The following GRIA4 variants were observed in gnomAD, a reference collection of about 807,000 sequenced individuals.
The protein encoded by GRIA4 is glutamate ionotropic receptor AMPA type subunit 4.
In GRIA4, 34 loss-of-function variants were observed where a neutral mutation model predicts 104.0. The ratio of observed to expected loss-of-function variants is 0.33; its 90% CI spans 0.25 to 0.44. The LOEUF is 0.44. Among genes scored for constraint, GRIA4 ranks in the 20% least tolerant of loss-of-function variants. The pLI, the probability that GRIA4 is intolerant of heterozygous loss-of-function variation, is 1.00. For synonymous variants in GRIA4, 386 were observed against 381.9 expected (o/e 1.01, Z -0.13); for missense variants, 750 against 1,096.5 (o/e 0.68, Z 4.46).
chr11:105,670,206 T>G (rs1325612612), intron 3 of GRIA4, among the ~76,000 whole-genome samples: 1 of 152,164 alleles, frequency 6.6e-6, no homozygotes, highest in Non-Finnish European at 1.5e-5. Context: ...TGCCTGTGTA[T>G]TCAAGGAGAG....
chr11:105,911,216 T>A (rs73544603), intron 10 of GRIA4, among the ~76,000 whole-genome samples: 12,656 of 152,080 alleles, frequency 0.083, 581 homozygotes, highest in African/African-American at 0.1. Flanking sequence ...GATTGCTTCA[T>A]TTGGCCACAT....
At chr11:105,779,345 G>A (rs537360605) in intron 4 of GRIA4, among the ~76,000 whole-genome samples, 148 of 152,158 alleles carry the variant, frequency 9.7e-4, no homozygotes, top group Non-Finnish European at 1.7e-3. Context: ...AATCAATATC[G>A]TGAAAATGGC....
intron 3 of GRIA4, among the ~76,000 whole-genome samples, chr11:105,751,929 C>T (rs1017051673): frequency 1.3e-5 from 2 of 152,146 alleles, no homozygotes; most frequent in Admixed American, 6.5e-5. Flanking sequence ...CTAAACACTT[C>T]TTAATCTAGC....
At position 105,640,172 on chromosome 11, in the gene GRIA4, G is replaced by T. The variant is rs183330529; in HGVS notation, c.247+27738G>T. 4.9e-3 allele frequency among the ~76,000 whole-genome samples: 744 copies of T among 151,878 alleles called. 4 individuals carry two copies. Among genetic ancestry groups the T allele is most frequent in the African/African-American group, 0.016 (677 of 41,486 alleles). ...GATGTTTCCCTAACATTCAGAAAAGGAAAATAAAGGGAAGACATTTGCTTA... is the reference window on the plus strand; with the variant it reads ...GATGTTTCCCTAACATTCAGAAAAGTAAAATAAAGGGAAGACATTTGCTTA... On this transcript the variant is annotated intron_variant, in intron 3 of 16. Transcript: ENST00000282499.
rs976495712 is a variant in GRIA4, at chr11:105,642,026, T to C, written c.247+29592T>C. On this transcript the variant is annotated intron_variant, in intron 3 of 16. Coordinates refer to ENST00000282499, the MANE Select transcript of GRIA4 (RefSeq NM_000829.4). The stretch of plus-strand genomic sequence containing the variant: ...TATCTCCCTGTGTCTTAATATGGTC[T>C]TCCCTCTCTGCATGTCTGTGTCCTA... 2.6e-5 allele frequency among the ~76,000 whole-genome samples: 4 copies of C among 152,160 alleles called. 1 individual carries two copies. Among genetic ancestry groups the C allele is most frequent in the South Asian group, 4.1e-4 (2 of 4,830 alleles).
intron 4 of GRIA4, among the ~76,000 whole-genome samples, chr11:105,826,729 A>G (rs952895305): frequency 6.6e-6 from 1 of 151,956 alleles, no homozygotes; most frequent in Non-Finnish European, 1.5e-5. Context: ...CTGTTTTCTG[A>G]TAGGGAAAAA....
chr11:105,642,244 T>C (rs552528148), intron 3 of GRIA4, among the ~76,000 whole-genome samples: 12 of 152,134 alleles, frequency 7.9e-5, no homozygotes, highest in Non-Finnish European at 1.3e-4. Context: ...CAAGACTTGC[T>C]GTGCTGTTGC....
At chr11:105,888,307 G>C (rs1303854864) in intron 6 of GRIA4, among the ~76,000 whole-genome samples, 1 of 58,420 alleles carries the variant, frequency 1.7e-5, no homozygotes, top group Non-Finnish European at 3.3e-5. Context: ...TTTTTGAGAC[G>C]GAGTCTCACT....
chr11:105,732,329 C>T (rs1023014145), intron 3 of GRIA4, among the ~76,000 whole-genome samples: 50 of 152,056 alleles, frequency 3.3e-4, no homozygotes, highest in African/African-American at 1.1e-3. Context: ...AAGTGCCCAG[C>T]GTTGAGTGGA....
Position 105,678,267 on chromosome 11 carries a change from C to A in GRIA4, c.247+65833C>A, listed in dbSNP as rs564937283. Among the ~76,000 whole-genome samples the A allele has an allele frequency of 5.7e-4, 86 of 152,054 alleles. 1 individual carries two copies. The highest frequency in any genetic ancestry group is 6.8e-3 in the Middle Eastern group (2 of 294). ...AAGTTGACGTGGGGGCCCAATTATG[C>A]CCCTACTTTAAGATAAATCTATTTC... is the stretch of plus-strand genomic sequence containing the variant. On this transcript the variant is annotated intron_variant, in intron 3 of 16. Transcript: ENST00000282499.
chr11:105,785,897 G>A (rs1190626906), intron 4 of GRIA4, among the ~76,000 whole-genome samples: 1 of 152,080 alleles, frequency 6.6e-6, no homozygotes, highest in Non-Finnish European at 1.5e-5. Flanking sequence ...TGTAATCCCA[G>A]AACTTTGGGA....
intron 3 of GRIA4, among the ~76,000 whole-genome samples, chr11:105,676,197 A>C (rs1052182294): frequency 6.6e-6 from 1 of 151,774 alleles, no homozygotes; most frequent in Non-Finnish European, 1.5e-5. Flanking sequence ...TGGATATATA[A>C]ATTACTATAG....
chr11:105,794,500 T>TATATATATATATATATATATAC (rs1942387306), intron 4 of GRIA4, among the ~76,000 whole-genome samples: 1 of 121,144 alleles, frequency 8.3e-6, no homozygotes, highest in Non-Finnish European at 1.7e-5. Flanking sequence ...TATATATATA[T>TATATATATATATATATATATAC]ATATATATAT....
At chr11:105,718,703 A>AGT (rs1954187568) in intron 3 of GRIA4, among the ~76,000 whole-genome samples, 1 of 152,186 alleles carries the variant, frequency 6.6e-6, no homozygotes, top group Non-Finnish European at 1.5e-5. Flanking sequence ...AACACCTCCT[A>AGT]AAAGGAGCTA....
intron 3 of GRIA4, among the ~76,000 whole-genome samples, chr11:105,627,258 C>T (rs991128142): frequency 3.3e-5 from 5 of 151,526 alleles, no homozygotes; most frequent in African/African-American, 4.9e-5. Context: ...CATTGGAGAA[C>T]GATAATGCAT....
chr11:105,844,550 T>C (rs1398439721), intron 4 of GRIA4, among the ~76,000 whole-genome samples: 1 of 152,230 alleles, frequency 6.6e-6, no homozygotes, highest in Non-Finnish European at 1.5e-5. Context: ...AACAAACTAT[T>C]CAGTAACAGC....
At chr11:105,661,803 A>G (rs1952018474) in intron 3 of GRIA4, among the ~76,000 whole-genome samples, 1 of 151,782 alleles carries the variant, frequency 6.6e-6, no homozygotes, top group South Asian at 2.1e-4. Context: ...GTCCCTAGGG[A>G]ACAGGACTAG....
At chr11:105,931,358 A>T (rs1947867720) in intron 13 of GRIA4, among the ~76,000 whole-genome samples, 1 of 151,914 alleles carries the variant, frequency 6.6e-6, no homozygotes, top group Non-Finnish European at 1.5e-5. Flanking sequence ...AAAACATTAT[A>T]AAAAATACTA....
chr11:105,742,776 A>G (rs1389199117), intron 3 of GRIA4, among the ~76,000 whole-genome samples: 2 of 152,040 alleles, frequency 1.3e-5, no homozygotes, highest in South Asian at 4.2e-4. Flanking sequence ...GTGTTCTGTC[A>G]CCCAAGCTGG....
Sources: allele counts gnomAD v4.1 joint callset (sites outside exome capture counted in the v4.1 genomes callset), GRCh38; gene constraint gnomAD v4.1.1; transcripts MANE v1.5; gene names NCBI Gene and HGNC (gene_info 2026-07-23, HGNC 2026-07-21).